TSPAN1: variants seen among roughly 807,000 people sequenced by gnomAD.
TSPAN1 encodes tetraspanin-1.
In TSPAN1, 23 loss-of-function variants were observed where a neutral mutation model predicts 26.9. The observed-to-expected ratio is 0.85, with a 90% CI of 0.62 to 1.21. TSPAN1 has a LOEUF of 1.21. Ranked by LOEUF, TSPAN1 falls within the 50% of genes most tolerant of loss-of-function variation. The pLI, the probability that TSPAN1 is intolerant of heterozygous loss-of-function variation, is 0.00. For synonymous variants in TSPAN1, 115 were observed against 114.8 expected (o/e 1.00, Z -0.01); for missense variants, 283 against 298.4 (o/e 0.95, Z 0.38).
downstream of TSPAN1, among the ~76,000 whole-genome samples, chr1:46,187,172 A>G (rs1396100693): frequency 1.3e-5 from 2 of 152,218 alleles, no homozygotes; most frequent in African/African-American, 4.8e-5. Context: ...AGGGATCGGA[A>G]AGGCCAAGAT....
rs1657397036 is a variant in TSPAN1, at chr1:46,185,030, T to C, written c.509T>C (p.Phe170Ser). 3 of 1,614,186 alleles carry C rather than the reference T, an allele frequency of 1.9e-6. No homozygotes were observed. The highest frequency in any genetic ancestry group is 2.5e-6 in the Non-Finnish European group (3 of 1,180,040). The change falls in exon 7 of 9, where the codon TTT becomes TCT. Residue 170 changes from phenylalanine to serine, a missense_variant. By Grantham distance (155) the Phe-to-Ser change is radical. Transcript: ENST00000372003. ...CCCTACTTCAAAGAGAACAGTGCCT[T>C]TCCCCCATTCTGTTGCAATGACAAC... is the stretch of plus-strand genomic sequence containing the variant. ...DSPYFKENSAFPPFCCNDNVT... is the reference protein window; with the variant it reads ...DSPYFKENSASPPFCCNDNVT...
At chr1:46,186,418 G>C (rs1428832765), downstream of TSPAN1, among the ~76,000 whole-genome samples, 1 of 151,652 alleles carries the variant, frequency 6.6e-6, no homozygotes, top group Non-Finnish European at 1.5e-5. Context: ...ATCTCAGCAA[G>C]CACTTCATTT....
the TSPAN1 span, chr1:46,191,885 C>T: frequency 2.3e-5 from 14 of 613,024 alleles, no homozygotes; most frequent in South Asian, 2.2e-4. Context: ...CCACCCGCAT[C>T]GGCCTCCCAA....
chr1:46,187,861 C>A (rs1657470935), downstream of TSPAN1, among the ~76,000 whole-genome samples: 1 of 152,202 alleles, frequency 6.6e-6, no homozygotes, highest in Non-Finnish European at 1.5e-5. Context: ...CTCCAAGCAC[C>A]TGTGAAAGAG....
chr1:46,176,067 GGA>G (rs1657141743), intron 1 of TSPAN1, among the ~76,000 whole-genome samples: 1 of 152,120 alleles, frequency 6.6e-6, no homozygotes, highest in East Asian at 1.9e-4. Flanking sequence ...AGTAGAGATG[GGA>G]TTTCACCGTG....
At chr1:46,192,285 C>T in the TSPAN1 span, 3 of 1,614,140 alleles carry the variant, frequency 1.9e-6, no homozygotes, top group South Asian at 3.3e-5. Context: ...ACTCCAGCCC[C>T]CTCACCCTAC....
At chr1:46,179,917 A>G (rs983091542) in intron 1 of TSPAN1, among the ~76,000 whole-genome samples, 6 of 151,690 alleles carry the variant, frequency 4.0e-5, no homozygotes. Flanking sequence ...GCCAAATCTC[A>G]GTCATTTCCT....
chr1:46,190,706 C>T (rs746108694), downstream of TSPAN1: 7 of 1,610,208 alleles, frequency 4.3e-6, no homozygotes, highest in African/African-American at 9.4e-5. Flanking sequence ...CCTTGCCCTG[C>T]TGCCAGCCCC....
chr1:46,186,994 G>A (rs1657447774), downstream of TSPAN1, among the ~76,000 whole-genome samples: 1 of 152,048 alleles, frequency 6.6e-6, no homozygotes, highest in South Asian at 2.1e-4. Context: ...TTTTAGTAGA[G>A]ACAGGGTTTC....
At chr1:46,192,494 T>A in the TSPAN1 span, 1 of 1,614,176 alleles carries the variant, frequency 6.2e-7, no homozygotes, top group Non-Finnish European at 8.5e-7. Context: ...ACTCGCCTGC[T>A]AAACCCTGGT....
chr1:46,190,620 G>A, downstream of TSPAN1: 1 of 1,532,670 alleles, frequency 6.5e-7, no homozygotes, highest in South Asian at 1.1e-5. Flanking sequence ...GTAGCCGCAG[G>A]GCTGGAGTAA....
chr1:46,193,749 G>C, the TSPAN1 span: 2 of 1,597,062 alleles, frequency 1.3e-6, no homozygotes, highest in Non-Finnish European at 1.7e-6. Context: ...AGGTGAATGC[G>C]TCTAGAATCT....
At position 46,180,569 on chromosome 1, in the gene TSPAN1, A is replaced by G. The variant is rs1019813972; in HGVS notation, c.-98A>G. Reference sequence around the variant, plus strand: ...GAGCCAGGCGTCCCTCTGCCTGCCCACTCAGTGGCAACACCCGGGAGCTGT... The same window carrying G: ...GAGCCAGGCGTCCCTCTGCCTGCCCGCTCAGTGGCAACACCCGGGAGCTGT... On this transcript the variant is annotated 5_prime_UTR_variant, in exon 2 of 9. Transcript: ENST00000372003. 16 of 152,686 alleles carry G rather than the reference A, an allele frequency of 1.0e-4. No individual in the cohort carries two copies. Among genetic ancestry groups the G allele is most frequent in the Admixed American group, 5.9e-4 (9 of 15,310 alleles). 9.5% of individuals were successfully genotyped at this position (152,686 alleles called of 1,614,324 possible).
At chr1:46,184,155 C>T (rs567767952) in intron 3 of TSPAN1, 36 bp from the exon 4 acceptor site, 8 of 1,609,360 alleles carry the variant, frequency 5.0e-6, no homozygotes, top group Non-Finnish European at 6.8e-6. Context: ...TACTTGCCAG[C>T]ACTGTTTAAG....
chr1:46,193,629 A>C, the TSPAN1 span: 2 of 1,614,202 alleles, frequency 1.2e-6, no homozygotes, highest in Non-Finnish European at 1.7e-6. Context: ...GAAAGCAGAG[A>C]GCGCAGCATC....
downstream of TSPAN1, chr1:46,189,542 A>C (rs981788737): frequency 6.2e-7 from 1 of 1,612,662 alleles, no homozygotes; most frequent in Admixed American, 1.7e-5. Flanking sequence ...GTTGCCACGC[A>C]CATCCAGGTC....
Position 46,184,240 on chromosome 1 carries a change from G to C in TSPAN1, c.107G>C (p.Gly36Ala). The change falls in exon 4 of 9, where the codon GGG (glycine) becomes GCG (alanine). Residue 36 changes from glycine (G) to alanine (A), a missense_variant. Coordinates refer to ENST00000372003, the MANE Select transcript of TSPAN1 (RefSeq NM_005727.4). ...GTGGGCATCTGGGTGTCAATCGATG[G>C]GGCATCCTTTCTGAAGATCTTCGGG... The part of the protein sequence containing the change: ...LAVGIWVSID[G>A]ASFLKIFGPL... 6.2e-7 allele frequency: 1 copy of C among 1,614,184 alleles called. No homozygotes were observed. Among genetic ancestry groups the C allele is most frequent in the Non-Finnish European group, 8.5e-7 (1 of 1,180,038 alleles).
rs1657414277 is a variant in TSPAN1, at chr1:46,185,603, T to G, written c.*70T>G. The G allele has an allele frequency of 1.3e-6, 2 of 1,548,280 alleles. No homozygotes were observed. Among genetic ancestry groups the G allele is most frequent in the Admixed American group, 3.4e-5 (2 of 59,678 alleles). On this transcript the variant is annotated 3_prime_UTR_variant, in exon 9 of 9. Transcript: ENST00000372003. ...GAAGAGGCACCCTGGCAAGCAGCAG[T>G]GATTGGGGGAGGGGACAGGATCTAA...
the TSPAN1 span, chr1:46,196,207 T>C: frequency 1.3e-6 from 2 of 1,545,584 alleles, no homozygotes; most frequent in Non-Finnish European, 1.7e-6. The surrounding 1 kb of genome is among the most constrained non-coding windows in gnomAD (Gnocchi z 4.4). Flanking sequence ...CACAGTTCTT[T>C]TCCAACTCAG....
Sources: allele counts gnomAD v4.1 joint callset (sites outside exome capture counted in the v4.1 genomes callset), GRCh38; gene constraint gnomAD v4.1.1; non-coding constraint Gnocchi (gnomAD v3.1); transcripts MANE v1.5; gene names NCBI Gene and HGNC (gene_info 2026-07-23, HGNC 2026-07-21).